PUS1: variants seen among roughly 807,000 people sequenced by gnomAD.
PUS1 encodes pseudouridine synthase 1.
PUS1 carries 25 observed loss-of-function variants against 38.5 expected under a neutral mutation model. That is an observed-to-expected ratio of 0.65 (90% confidence interval 0.47 to 0.91). The LOEUF (loss-of-function observed/expected upper bound fraction) is 0.91. PUS1 is among the 40% of genes least tolerant of loss of function. The pLI is 0.00. For missense variants in PUS1, 597 were observed against 612.3 expected, an observed-to-expected ratio of 0.97 and a Z score of 0.26; for synonymous variants, 282 against 260.4, an observed-to-expected ratio of 1.08 and a Z score of -0.80.
At chr12:131,942,771 G>A (rs1018189109) in intron 5 of PUS1, among the ~76,000 whole-genome samples, 3 of 152,218 alleles carry the variant, frequency 2.0e-5, no homozygotes, top group African/African-American at 7.2e-5. Flanking sequence ...CAGGGCTCAG[G>A]GAGATTCTTC....
In PUS1 at chr12:131,932,332, G is replaced by A; in HGVS notation, c.441+20G>A. 3.7e-6 allele frequency: 6 copies of A among 1,612,484 alleles called. No homozygotes were observed. Among genetic ancestry groups the A allele is most frequent in the Non-Finnish European group, 5.1e-6 (6 of 1,179,784 alleles). ...GACAAGGTGGGTGGTGGCCTTCTCT[G>A]CCCCTCCCCCGCTGCTATGAGCAGC... On this transcript the variant is annotated intron_variant, in intron 3 of 5. Transcript: ENST00000376649.
intron 3 of PUS1, among the ~76,000 whole-genome samples, chr12:131,936,406 T>TA (rs1450481869): frequency 1.5e-5 from 2 of 137,428 alleles, no homozygotes; most frequent in East Asian, 2.0e-4. Context: ...CTACTAAAAA[T>TA]ACAAAAATTA....
Position 131,933,195 on chromosome 12 carries a change from ATT to A in PUS1, c.441+903_441+904del, listed in dbSNP as rs34546409. Among the ~76,000 whole-genome samples the A allele has an allele frequency of 2.0e-3, 277 of 135,734 alleles. 1 individual carries two copies. The highest frequency in any genetic ancestry group is 2.4e-3 in the Admixed American group (32 of 13,314). 89.0% of individuals were successfully genotyped at this position (135,734 alleles called of 152,430 possible). A position where few individuals can be genotyped will look rare whatever the true frequency, so the allele number is the denominator to read the frequency against. On this transcript the variant is annotated intron_variant, in intron 3 of 5. Transcript: ENST00000376649. ...CAGGCACTCCACCATGCCTGGCTAAATTTTTTTTTTTTTTTTTTTTTAATATG... is the reference window on the plus strand; with the variant it reads ...CAGGCACTCCACCATGCCTGGCTAAATTTTTTTTTTTTTTTTTTTAATATG...
rs779651314 is a variant in PUS1, at chr12:131,941,464, C to A, written c.717C>A (p.Tyr239Ter). Reference sequence around the variant, plus strand: ...AGGTCAACAGGCTCCTGGCCTGCTACAAGGGCACGCACAACTTCCACAATT... The same window carrying A: ...AGGTCAACAGGCTCCTGGCCTGCTAAAAGGGCACGCACAACTTCCACAATT... ...LQQVNRLLAC[Y>*]KGTHNFHNFT... Residue 239 changes from tyrosine (Y) to a stop codon, truncating the protein, a stop_gained, in exon 5 of 6, where the codon TAC becomes TAA. Transcript: ENST00000376649. LOFTEE classifies it high-confidence loss of function. The surrounding 1 kb of genome is among the most constrained non-coding windows in gnomAD (Gnocchi z 4.4). 1 of 1,613,278 alleles carries A rather than the reference C, an allele frequency of 6.2e-7. No homozygotes were observed. The highest frequency in any genetic ancestry group is 8.5e-7 in the Non-Finnish European group (1 of 1,179,330).
chr12:131,940,447 A>G (rs1891016586), intron 4 of PUS1, among the ~76,000 whole-genome samples: 1 of 152,178 alleles, frequency 6.6e-6, no homozygotes, highest in Non-Finnish European at 1.5e-5. Context: ...TTATACAGTT[A>G]CCTGCTGAAG....
At chr12:131,932,453 T>C in intron 3 of PUS1, 141 bp downstream of exon 3, 1 of 1,002,890 alleles carries the variant, frequency 1.0e-6, no homozygotes, top group Non-Finnish European at 1.5e-6. Context: ...CTTATGTAGG[T>C]GAGACGTCCA....
rs1328213912 is a variant in PUS1, at chr12:131,929,282, C to G, written c.-441C>G. 2 of 173,856 alleles carry G rather than the reference C, an allele frequency of 1.2e-5. No homozygotes were observed. Among genetic ancestry groups the G allele is most frequent in the Admixed American group, 6.3e-5 (1 of 15,842 alleles). 10.8% of individuals were successfully genotyped at this position (173,856 alleles called of 1,614,324 possible). On this transcript the variant is annotated 5_prime_UTR_variant, in exon 1 of 6. Coordinates refer to ENST00000376649, the MANE Select transcript of PUS1 (RefSeq NM_025215.6). ...CGTGGTCCGGCTCCGGCTCAGTCAG[C>G]CGCGTCGCGAATGGGGCAGGAGCGA... is the stretch of plus-strand genomic sequence containing the variant.
chr12:131,943,525 GTCT>G lies in PUS1; in HGVS notation c.1237-7_1237-5del, dbSNP rs751628847. The stretch of plus-strand genomic sequence containing the variant: ...GTGCTTGCCTCTTATTCTCCATGTG[GTCT>G]TCTTCTGCAGGTGCCCAGTCCCCTG... On this transcript the variant is annotated splice_polypyrimidine_tract_variant and intron_variant, in intron 5 of 5. Coordinates refer to ENST00000376649, the MANE Select transcript of PUS1 (RefSeq NM_025215.6). The G allele has an allele frequency of 2.9e-5, 47 of 1,611,744 alleles. No homozygotes were observed. Among genetic ancestry groups the G allele is most frequent in the East Asian group, 1.3e-4 (6 of 44,858 alleles).
intron 1 of PUS1, 21 bp from the exon 2 acceptor site, chr12:131,929,886 T>C (rs1593286146): frequency 8.2e-7 from 1 of 1,220,896 alleles, no homozygotes. Context: ...GGGCCCCCGC[T>C]CACGCCGCCC....
rs543771219 is a variant in PUS1, at chr12:131,937,133, C to G, written c.442-2040C>G. The stretch of plus-strand genomic sequence containing the variant: ...TTGTTTCAGAACATCTCGTTTCATT[C>G]TGCCACGTTCCATGTGTGGATCTGG... On this transcript the variant is annotated intron_variant, in intron 3 of 5. Transcript: ENST00000376649. 6.3e-4 allele frequency among the ~76,000 whole-genome samples: 96 copies of G among 152,320 alleles called. 1 individual carries two copies. Among genetic ancestry groups the G allele is most frequent in the African/African-American group, 2.3e-3 (94 of 41,572 alleles).
intron 5 of PUS1, among the ~76,000 whole-genome samples, chr12:131,942,606 C>G (rs955098667): frequency 1.3e-5 from 2 of 152,124 alleles, no homozygotes; most frequent in African/African-American, 4.8e-5. Context: ...TGGGGTTTCA[C>G]CATGTTAGCC....
chr12:131,929,973 G>A lies in PUS1; in HGVS notation c.141G>A (p.Arg47=). 5 of 1,504,900 alleles carry A rather than the reference G, an allele frequency of 3.3e-6. No individual in the cohort carries two copies. The South Asian group carries it at 3.8e-5, about 12-fold the overall frequency. 93.2% of individuals were successfully genotyped at this position (1,504,900 alleles called of 1,614,324 possible). A position where few individuals can be genotyped will look rare whatever the true frequency, so the allele number is the denominator to read the frequency against. ...PAGAACPQDR[R]SCSGRAGGDR... ...GAGCCGCATGCCCCCAGGACCGGAG[G>A]TCCTGCAGCGGCCGGGCCGGGGGCG... is the stretch of plus-strand genomic sequence containing the variant. Residue 47 remains arginine, a synonymous_variant, in exon 2 of 6, where the codon AGG becomes AGA. Transcript: ENST00000376649.
Position 131,941,460 on chromosome 12 carries a change from G to C in PUS1, c.713G>C (p.Cys238Ser). 2 of 1,613,308 alleles carry C rather than the reference G, an allele frequency of 1.2e-6. No individual in the cohort carries two copies. The highest frequency in any genetic ancestry group is 1.7e-6 in the Non-Finnish European group (2 of 1,179,254). ...CAGCAGGTCAACAGGCTCCTGGCCT[G>C]CTACAAGGGCACGCACAACTTCCAC... is the stretch of plus-strand genomic sequence containing the variant. ...TLQQVNRLLA[C>S]YKGTHNFHNF... Residue 238 changes from cysteine (C) to serine (S), a missense_variant, in exon 5 of 6, where the codon TGC becomes TCC. Transcript: ENST00000376649. This position sits in a 1 kb window ranked among gnomAD's most constrained non-coding sequence, Gnocchi z 4.4.
In PUS1 at chr12:131,939,096, T is replaced by A. The variant is rs73162965; in HGVS notation, c.442-77T>A. The A allele has an allele frequency of 2.5e-3, 2,259 of 911,860 alleles. 29 individuals are homozygous for A. The African/African-American group carries it at 0.032, about 13-fold the overall frequency. 56.5% of individuals were successfully genotyped at this position (911,860 alleles called of 1,614,324 possible). On this transcript the variant is annotated intron_variant, in intron 3 of 5. Coordinates refer to ENST00000376649, the MANE Select transcript of PUS1 (RefSeq NM_025215.6). ...TGTGTGAAATGACGTAAGGTCCGCG[T>A]AGTCCTTCTTTCTCAGAGACCAGCG...
At chr12:131,936,210 CAA>C (rs764654394) in intron 3 of PUS1, among the ~76,000 whole-genome samples, 3 of 122,594 alleles carry the variant, frequency 2.4e-5, no homozygotes, top group Admixed American at 8.4e-5. Flanking sequence ...GACTCCATCT[CAA>C]AAAAAAAAAA....
At chr12:131,932,830 GTAGGTGGGTGTAT>G (rs1890667345) in intron 3 of PUS1, 4 of 454,028 alleles carry the variant, frequency 8.8e-6, no homozygotes, top group Non-Finnish European at 1.8e-5. Flanking sequence ...AGCCTCCCGA[GTAGGTGGGTGTAT>G]TAGTCTGTTG....
chr12:131,939,147 C>T (rs771335157), intron 3 of PUS1, 26 bp from the exon 4 acceptor site: 46 of 1,500,974 alleles, frequency 3.1e-5, no homozygotes, highest in East Asian at 1.5e-4. Context: ...ACCCACCTTC[C>T]GTCACCCGTT....
rs770669291 is a variant in PUS1, at chr12:131,930,022, C to T, written c.190C>T (p.His64Tyr). The T allele has an allele frequency of 3.9e-5, 58 of 1,473,416 alleles. 1 individual carries two copies. In the South Asian group the frequency reaches 7.8e-4, roughly 20 times the overall value. 91.3% of individuals were successfully genotyped at this position (1,473,416 alleles called of 1,614,324 possible). A position where few individuals can be genotyped will look rare whatever the true frequency, so the allele number is the denominator to read the frequency against. ...CGACCGCGTCTGGGAGGACGGAGAA[C>T]ATCCGGCGAAGAAGCTCAAGAGCGG... ...GGDRVWEDGE[H>Y]PAKKLKSGGD... The change falls in exon 2 of 6, where the codon CAT (histidine) becomes TAT (tyrosine). Residue 64 changes from histidine to tyrosine, a missense_variant. His to Tyr is a moderately conservative substitution (Grantham distance 83). Coordinates refer to ENST00000376649, the MANE Select transcript of PUS1 (RefSeq NM_025215.6).
chr12:131,929,828 TGCCC>T, intron 1 of PUS1, 32 bp downstream of exon 1: 1 of 1,541,662 alleles, frequency 6.5e-7, no homozygotes, highest in Non-Finnish European at 8.7e-7. Flanking sequence ...GACCCCGCTA[TGCCC>T]GCCCAGCCCA....
Sources: gnomAD v4.1 joint callset for allele counts (sites outside exome capture counted in the v4.1 genomes callset) on GRCh38, gnomAD v4.1.1 for gene constraint, Gnocchi (gnomAD v3.1) non-coding constraint, MANE v1.5 for transcripts, NCBI Gene and HGNC (gene_info 2026-07-23, HGNC 2026-07-21) for gene names.